JMJD1C: variants seen among roughly 807,000 people sequenced by gnomAD.
JMJD1C encodes jumonji domain-containing protein 1C.
JMJD1C carries 31 observed loss-of-function variants against 245.3 expected under a neutral mutation model. The ratio of observed to expected loss-of-function variants is 0.13; its 90% confidence interval spans 0.09 to 0.17. The LOEUF (loss-of-function observed/expected upper bound fraction) is 0.17, where lower values mean the gene tolerates loss of function less well. JMJD1C is among the 10% of genes least tolerant of loss of function. The probability of loss-of-function intolerance (pLI) is 1.00; values close to 1 mark genes in which losing one functional copy is unlikely to be tolerated. For synonymous variants in JMJD1C, 1,057 were observed against 1,017.4 expected, an observed-to-expected ratio of 1.04 and a Z score of -0.74; for missense variants, 2,691 against 3,000.2, an observed-to-expected ratio of 0.90 and a Z score of 2.41.
chr10:63,276,290 C>A (rs959901110), intron 2 of JMJD1C, among the ~76,000 whole-genome samples: 1 of 151,974 alleles, frequency 6.6e-6, no homozygotes, highest in Non-Finnish European at 1.5e-5. Flanking sequence ...AACGGTGAAA[C>A]CCCGTCTCTA....
chr10:63,491,360 T>C (rs56176645), intron 1 of JMJD1C, among the ~76,000 whole-genome samples: 2,024 of 152,276 alleles, frequency 0.013, 30 homozygotes, highest in African/African-American at 0.034. Flanking sequence ...TGTAATATTT[T>C]AATATAAAAC....
At chr10:63,406,707 A>G (rs959256786) in intron 1 of JMJD1C, among the ~76,000 whole-genome samples, 3 of 152,156 alleles carry the variant, frequency 2.0e-5, no homozygotes, top group Non-Finnish European at 2.9e-5. Flanking sequence ...TAAAAACTCA[A>G]TAATACAGCA....
At chr10:63,246,327 G>C (rs1404486552) in intron 3 of JMJD1C, among the ~76,000 whole-genome samples, 4 of 151,958 alleles carry the variant, frequency 2.6e-5, no homozygotes, top group African/African-American at 9.7e-5. Context: ...AGAAGCATGA[G>C]AAAAGTAAAA....
intron 3 of JMJD1C, among the ~76,000 whole-genome samples, chr10:63,223,951 G>A (rs565504902): frequency 3.3e-5 from 5 of 151,696 alleles, no homozygotes; most frequent in South Asian, 2.1e-4. Flanking sequence ...ACGGGGTTTC[G>A]CCATGTTGGT....
intron 1 of JMJD1C, among the ~76,000 whole-genome samples, chr10:63,424,470 T>G (rs1950313171): frequency 6.6e-6 from 1 of 150,858 alleles, no homozygotes; most frequent in African/African-American, 2.4e-5. Context: ...ACATCATCTT[T>G]AACTTACACA....
chr10:63,412,366 A>T (rs1949538131), intron 1 of JMJD1C, among the ~76,000 whole-genome samples: 2 of 152,196 alleles, frequency 1.3e-5, no homozygotes, highest in South Asian at 4.1e-4. Context: ...TTTCTGTTCT[A>T]TGGTATCATT....
At chr10:63,483,128 C>T (rs911863599) in intron 1 of JMJD1C, among the ~76,000 whole-genome samples, 1 of 152,084 alleles carries the variant, frequency 6.6e-6, no homozygotes, top group Non-Finnish European at 1.5e-5. Flanking sequence ...TAAAATTGGT[C>T]AACTGGATTG....
chr10:63,263,266 A>C (rs1855027532), intron 3 of JMJD1C, among the ~76,000 whole-genome samples: 1 of 152,250 alleles, frequency 6.6e-6, no homozygotes, highest in Non-Finnish European at 1.5e-5. Context: ...AGAAAAATCA[A>C]GTGGAAAGAC....
At chr10:63,344,055 AAAAC>A (rs1357470266) in intron 2 of JMJD1C, among the ~76,000 whole-genome samples, 1 of 152,208 alleles carries the variant, frequency 6.6e-6, no homozygotes, top group African/African-American at 2.4e-5. Context: ...AAAACCAAAC[AAAAC>A]AAATATAGGA....
chr10:63,484,886 C>T (rs575769992), intron 1 of JMJD1C, among the ~76,000 whole-genome samples: 2 of 151,558 alleles, frequency 1.3e-5, no homozygotes, highest in Admixed American at 6.6e-5. Flanking sequence ...TCAGTTTTCC[C>T]GATTCCACTA....
chr10:63,234,751 A>AGGAAACACAG (rs1294661673), intron 3 of JMJD1C, among the ~76,000 whole-genome samples: 1 of 146,728 alleles, frequency 6.8e-6, no homozygotes, highest in Non-Finnish European at 1.5e-5. Context: ...TAGGAAACAT[A>AGGAAACACAG]GTGAGACCCT....
chr10:63,372,479 G>C (rs1427165666), intron 2 of JMJD1C, among the ~76,000 whole-genome samples: 1 of 152,104 alleles, frequency 6.6e-6, no homozygotes, highest in Non-Finnish European at 1.5e-5. Flanking sequence ...AAGCTTTTTA[G>C]TATTTTTTAT....
At chr10:63,471,087 C>T (rs949825523) in intron 1 of JMJD1C, among the ~76,000 whole-genome samples, 2 of 152,164 alleles carry the variant, frequency 1.3e-5, no homozygotes, top group African/African-American at 2.4e-5. Context: ...CTATCATAAA[C>T]GCTCCAACTA....
chr10:63,268,732 G>A (rs1855934183), intron 2 of JMJD1C: 2 of 984,372 alleles, frequency 2.0e-6, no homozygotes, highest in Non-Finnish European at 2.4e-6. Flanking sequence ...AGGTCAGTAA[G>A]TATTTGCTGA....
At chr10:63,470,404 T>A (rs10761771), upstream of JMJD1C, among the ~76,000 whole-genome samples, 1 of 151,992 alleles carries the variant, frequency 6.6e-6, no homozygotes, top group South Asian at 2.1e-4. Flanking sequence ...TTCAAAATAA[T>A]GTCTTATGTA....
intron 2 of JMJD1C, among the ~76,000 whole-genome samples, chr10:63,291,133 T>A (rs1243325809): frequency 6.7e-6 from 1 of 148,354 alleles, no homozygotes; most frequent in African/African-American, 2.5e-5. Flanking sequence ...GGTGAAACTC[T>A]CTCTCTACTA....
chr10:63,394,309 A>T (rs7915671), intron 1 of JMJD1C, among the ~76,000 whole-genome samples: 21,868 of 152,072 alleles, frequency 0.14, 3,731 homozygotes, highest in African/African-American at 0.41. Flanking sequence ...GAATTTTTTT[A>T]AAAAATGTGC....
In JMJD1C at chr10:63,215,163, A is replaced by G; in HGVS notation, c.1016-12T>C. The G allele has an allele frequency of 6.6e-7, 1 of 1,519,514 alleles. No homozygotes were observed. 94.1% of individuals were successfully genotyped at this position (1,519,514 alleles called of 1,614,324 possible). On this transcript the variant is annotated splice_polypyrimidine_tract_variant and intron_variant, in intron 7 of 25. Transcript: ENST00000399262. ...ACCTTTAGGATTTTCTGTAGGATTA[A>G]AGAAAGAAGAGTCTTATTTTTCATA...
At chr10:63,452,082 T>G (rs1006590048) in intron 1 of JMJD1C, among the ~76,000 whole-genome samples, 1 of 152,126 alleles carries the variant, frequency 6.6e-6, no homozygotes, top group African/African-American at 2.4e-5. Context: ...AAATAAAAGA[T>G]GGATACATTG....
Sources: gnomAD v4.1 joint callset for allele counts (sites outside exome capture counted in the v4.1 genomes callset) on GRCh38, gnomAD v4.1.1 for gene constraint, MANE v1.5 for transcripts, NCBI Gene and HGNC (gene_info 2026-07-23, HGNC 2026-07-21) for gene names.